Variants in SNTG1 observed in about 807,000 individuals in gnomAD.
SNTG1 encodes syntrophin gamma 1.
A neutral mutation model predicts 74.7 loss-of-function variants in SNTG1; 39 were observed. The observed-to-expected ratio is 0.52, with a 90% confidence interval of 0.40 to 0.68. The LOEUF (loss-of-function observed/expected upper bound fraction) is 0.68. Ranked by LOEUF, SNTG1 falls within the 30% of genes least tolerant of loss-of-function variation. The pLI, the probability that SNTG1 is intolerant of heterozygous loss-of-function variation, is 0.00. For missense variants in SNTG1, 685 were observed against 609.5 expected, an observed-to-expected ratio of 1.12 and a Z score of -1.30; for synonymous variants, 254 against 217.1, an observed-to-expected ratio of 1.17 and a Z score of -1.49.
chr8:50,428,870 C>T (rs2093197725), intron 4 of SNTG1, among the ~76,000 whole-genome samples: 1 of 151,970 alleles, frequency 6.6e-6, no homozygotes, highest in Non-Finnish European at 1.5e-5. Flanking sequence ...CTATTACTTC[C>T]TTGGGACCAA....
At chr8:49,988,262 A>G (rs1813358215) in intron 1 of SNTG1, among the ~76,000 whole-genome samples, 1 of 152,216 alleles carries the variant, frequency 6.6e-6, no homozygotes, top group Admixed American at 6.5e-5. Context: ...CAAAAAAATT[A>G]GGACACAAAA....
intron 4 of SNTG1, among the ~76,000 whole-genome samples, chr8:50,433,875 C>T (rs777895238): frequency 6.6e-6 from 1 of 152,116 alleles, no homozygotes; most frequent in Non-Finnish European, 1.5e-5. Flanking sequence ...TATAAGTACA[C>T]ATAGTAGATT....
intron 2 of SNTG1, among the ~76,000 whole-genome samples, chr8:50,314,101 G>A (rs1428226479): frequency 6.7e-6 from 1 of 149,604 alleles, no homozygotes; most frequent in Non-Finnish European, 1.5e-5. Flanking sequence ...CCACAGCCAT[G>A]AGCTCATCCA....
chr8:50,701,773 TTTC>T (rs1468684030), intron 15 of SNTG1, among the ~76,000 whole-genome samples: 24 of 148,182 alleles, frequency 1.6e-4, no homozygotes, highest in South Asian at 2.2e-4. Context: ...CTTCTTCTTC[TTTC>T]TCTTCCTCTT....
chr8:50,368,446 A>G (rs1056161140), intron 2 of SNTG1, among the ~76,000 whole-genome samples: 1 of 152,200 alleles, frequency 6.6e-6, no homozygotes, highest in Non-Finnish European at 1.5e-5. Context: ...CAGCTTATCT[A>G]TAATGCAAAA....
chr8:50,306,040 C>A (rs2089880723), intron 2 of SNTG1, among the ~76,000 whole-genome samples: 2 of 148,286 alleles, frequency 1.3e-5, no homozygotes, highest in South Asian at 2.2e-4. Context: ...TTTATCCCTA[C>A]CCCCCTCCCA....
At chr8:50,507,072 G>C (rs1312416832) in intron 9 of SNTG1, among the ~76,000 whole-genome samples, 2 of 151,872 alleles carry the variant, frequency 1.3e-5, no homozygotes, top group Non-Finnish European at 2.9e-5. Context: ...CATCAACTGA[G>C]GTGTCTATGT....
At chr8:50,263,853 T>A (rs1262287595) in intron 2 of SNTG1, among the ~76,000 whole-genome samples, 5 of 152,154 alleles carry the variant, frequency 3.3e-5, no homozygotes, top group Non-Finnish European at 1.5e-5. Flanking sequence ...AACAGACATG[T>A]GTAGAACACT....
intron 18 of SNTG1, among the ~76,000 whole-genome samples, chr8:50,782,603 C>G (rs1392846617): frequency 6.6e-6 from 1 of 152,094 alleles, no homozygotes; most frequent in East Asian, 1.9e-4. Flanking sequence ...GTTATACATT[C>G]GTCTAAATTT....
intron 1 of SNTG1, among the ~76,000 whole-genome samples, chr8:50,159,803 T>A (rs1205386439): frequency 6.6e-6 from 1 of 152,140 alleles, no homozygotes; most frequent in African/African-American, 2.4e-5. Context: ...ATTCATTTGG[T>A]CCCATTGGTC....
At chr8:50,182,155 G>A (rs2083228030) in intron 2 of SNTG1, among the ~76,000 whole-genome samples, 1 of 152,134 alleles carries the variant, frequency 6.6e-6, no homozygotes, top group South Asian at 2.1e-4. Flanking sequence ...TTTGCAGCAT[G>A]AGCACCCCAG....
Position 50,411,594 on chromosome 8 carries a change from T to C in SNTG1, c.162+9250T>C, listed in dbSNP as rs565010521. Among the ~76,000 whole-genome samples, 32 of 152,078 alleles carry C rather than the reference T, an allele frequency of 2.1e-4. 1 individual carries two copies. The South Asian group carries it at 6.6e-3, about 32-fold the overall frequency. ...TTGTGATTTTATAACAGAAAGATAA[T>C]ACAAAGGCCTACTCTTGAAACCTAG... On this transcript the variant is annotated intron_variant, in intron 4 of 18. Coordinates refer to ENST00000642720, the MANE Select transcript of SNTG1 (RefSeq NM_018967.5).
At chr8:50,284,366 C>G (rs1257018766) in intron 2 of SNTG1, among the ~76,000 whole-genome samples, 3 of 151,944 alleles carry the variant, frequency 2.0e-5, no homozygotes, top group Admixed American at 2.0e-4. Flanking sequence ...CCATTTTCAT[C>G]CCATCATCTC....
intron 1 of SNTG1, among the ~76,000 whole-genome samples, chr8:50,064,405 A>T (rs1044586265): frequency 6.6e-6 from 1 of 152,130 alleles, no homozygotes; most frequent in African/African-American, 2.4e-5. Flanking sequence ...CCTTCTGCTT[A>T]CCTTGATGGC....
chr8:49,971,662 CAA>C (rs1446131000), intron 1 of SNTG1, among the ~76,000 whole-genome samples: 2 of 152,160 alleles, frequency 1.3e-5, no homozygotes, highest in African/African-American at 4.8e-5. Flanking sequence ...GCAACTTCAG[CAA>C]AGTCTCAGGA....
intron 1 of SNTG1, among the ~76,000 whole-genome samples, chr8:50,063,478 G>A (rs1041687751): frequency 2.6e-5 from 4 of 152,280 alleles, no homozygotes; most frequent in African/African-American, 9.6e-5. Context: ...AATGAGAACA[G>A]CATTGCCAGT....
chr8:50,203,780 CTGTGTGTGTGTG>C lies in SNTG1; in HGVS notation c.-28+31151_-28+31162del, dbSNP rs138161740. Among the ~76,000 whole-genome samples, 558 of 149,456 alleles carry C rather than the reference CTGTGTGTGTGTG, an allele frequency of 3.7e-3. 5 individuals are homozygous for C. The highest frequency in any genetic ancestry group is 0.013 in the African/African-American group (526 of 40,900). On this transcript the variant is annotated intron_variant, in intron 2 of 18. Coordinates refer to ENST00000642720, the MANE Select transcript of SNTG1 (RefSeq NM_018967.5). ...TGTGTGTTTCTGTGTGTGTGTGTTT[CTGTGTGTGTGTG>C]TGTGTTCGTAATAAAATCTTGTTAT...
chr8:50,712,220 G>A (rs1256678824), intron 17 of SNTG1, among the ~76,000 whole-genome samples: 1 of 152,148 alleles, frequency 6.6e-6, no homozygotes, highest in African/African-American at 2.4e-5. Context: ...ACAGATATCT[G>A]TAAGTGAGGA....
intron 4 of SNTG1, among the ~76,000 whole-genome samples, chr8:50,420,884 G>T (rs1009282925): frequency 6.6e-6 from 1 of 151,834 alleles, no homozygotes; most frequent in Non-Finnish European, 1.5e-5. Context: ...AATTAGCTTT[G>T]TGTGGTGGCA....
Sources: allele counts gnomAD v4.1 joint callset (sites outside exome capture counted in the v4.1 genomes callset), GRCh38; gene constraint gnomAD v4.1.1; transcripts MANE v1.5; gene names NCBI Gene and HGNC (gene_info 2026-07-23, HGNC 2026-07-21).